ADGRL3: variants seen among roughly 807,000 people sequenced by gnomAD.
ADGRL3 encodes adhesion G protein-coupled receptor L3, also known as calcium-independent alpha-latrotoxin receptor 3.
A neutral mutation model predicts 153.5 loss-of-function variants in ADGRL3; 62 were observed. That is an observed-to-expected ratio of 0.40 (90% confidence interval 0.33 to 0.50). The LOEUF is 0.50. Ranked by LOEUF, ADGRL3 falls within the 20% of genes least tolerant of loss-of-function variation. The pLI is 0.47. For missense variants in ADGRL3, 1,641 were observed against 1,859.4 expected, an observed-to-expected ratio of 0.88 and a Z score of 2.16; for synonymous variants, 710 against 672.5, an observed-to-expected ratio of 1.06 and a Z score of -0.86.
intron 4 of ADGRL3, among the ~76,000 whole-genome samples, chr4:61,567,075 G>T (rs924893219): frequency 6.6e-6 from 1 of 152,108 alleles, no homozygotes; most frequent in Non-Finnish European, 1.5e-5. Context: ...TGCAGGGCAA[G>T]AACCTAAATG....
chr4:61,554,963 A>C (rs2148875576), intron 4 of ADGRL3, among the ~76,000 whole-genome samples: 1 of 152,348 alleles, frequency 6.6e-6, no homozygotes, highest in Admixed American at 6.5e-5. Context: ...TAGCAGGTAA[A>C]TTGACCAGGA....
intron 1 of ADGRL3, among the ~76,000 whole-genome samples, chr4:61,312,822 A>G (rs1051688334): frequency 6.6e-6 from 1 of 152,148 alleles, no homozygotes; most frequent in African/African-American, 2.4e-5. Flanking sequence ...ATGGTTTGAC[A>G]GTTTCTTACA....
chr4:61,432,669 TTG>T (rs1553928416), intron 2 of ADGRL3, among the ~76,000 whole-genome samples: 3 of 144,272 alleles, frequency 2.1e-5, no homozygotes, highest in African/African-American at 7.8e-5. Context: ...TTTTTTTTTT[TTG>T]AGACAGAATT....
chr4:61,422,094 ATG>A (rs1287051474), intron 2 of ADGRL3, among the ~76,000 whole-genome samples: 1 of 152,168 alleles, frequency 6.6e-6, no homozygotes, highest in Non-Finnish European at 1.5e-5. Context: ...CCAATCAAAG[ATG>A]TGCCCCAACA....
chr4:61,517,279 G>A (rs774876724), intron 3 of ADGRL3, 36 bp from the exon 4 acceptor site: 1 of 700,456 alleles, frequency 1.4e-6, no homozygotes, highest in South Asian at 1.5e-5. Flanking sequence ...ACTGAGGTGA[G>A]CAGGGGTCTG....
rs58884223 is a variant in ADGRL3 at position 61,909,761 on chromosome 4, ATGTGTGTGTGTGTG to A, written c.2073+44_2073+57del. On this transcript the variant is annotated intron_variant, in intron 12 of 26. Coordinates refer to ENST00000683033, the MANE Select transcript of ADGRL3 (RefSeq NM_001387552.1). ...TTTGAACAAGGTAAGGACCCTAATT[ATGTGTGTGTGTGTG>A]TGTGTGTGTGTGTGTGTGTGTGTGT... 7.4e-5 allele frequency: 89 copies of A among 1,196,420 alleles called. No homozygotes were observed. Among genetic ancestry groups the A allele is most frequent in the Middle Eastern group, 2.4e-4 (1 of 4,178 alleles). 74.1% of individuals were successfully genotyped at this position (1,196,420 alleles called of 1,614,324 possible).
At chr4:61,223,711 C>T (rs1746674271) in intron 1 of ADGRL3, among the ~76,000 whole-genome samples, 1 of 152,084 alleles carries the variant, frequency 6.6e-6, no homozygotes, top group Non-Finnish European at 1.5e-5. Flanking sequence ...TTTGGGTTAC[C>T]TTGTCATTCT....
At chr4:61,692,510 C>G (rs2095558586) in intron 6 of ADGRL3, among the ~76,000 whole-genome samples, 1 of 150,832 alleles carries the variant, frequency 6.6e-6, no homozygotes, top group African/African-American at 2.4e-5. Context: ...TGGCCTAATA[C>G]CAGCTCACTG....
intron 1 of ADGRL3, among the ~76,000 whole-genome samples, chr4:61,334,637 G>C (rs1051420847): frequency 2.6e-5 from 4 of 151,926 alleles, no homozygotes; most frequent in African/African-American, 9.7e-5. Context: ...TTAAGATGCT[G>C]GAAAACTTCT....
At chr4:61,650,780 T>A (rs2094217101) in intron 5 of ADGRL3, among the ~76,000 whole-genome samples, 2 of 152,122 alleles carry the variant, frequency 1.3e-5, no homozygotes, top group Admixed American at 1.3e-4. Context: ...TTAGAGTGCA[T>A]ACTTCACCTG....
At chr4:61,670,569 AC>A (rs1265644304) in intron 5 of ADGRL3, among the ~76,000 whole-genome samples, 2 of 152,088 alleles carry the variant, frequency 1.3e-5, no homozygotes, top group Non-Finnish European at 2.9e-5. Context: ...TTGTCCCATG[AC>A]CAAGAAGAAT....
chr4:61,822,439 A>G (rs1231520949), intron 9 of ADGRL3, among the ~76,000 whole-genome samples: 1 of 152,182 alleles, frequency 6.6e-6, no homozygotes, highest in African/African-American at 2.4e-5. Flanking sequence ...CATGATTATC[A>G]TATCTCTAGG....
intron 2 of ADGRL3, among the ~76,000 whole-genome samples, chr4:61,481,589 T>C (rs1028244869): frequency 4.6e-5 from 7 of 151,950 alleles, no homozygotes; most frequent in African/African-American, 1.7e-4. Context: ...TAGGAAGGGA[T>C]TGGGATTTTA....
chr4:61,850,264 G>A (rs1739609173), intron 9 of ADGRL3, among the ~76,000 whole-genome samples: 1 of 152,044 alleles, frequency 6.6e-6, no homozygotes, highest in Admixed American at 6.6e-5. Flanking sequence ...CCAATTTATA[G>A]GTATAGACAC....
At chr4:61,707,107 C>A (rs1283785981) in intron 6 of ADGRL3, among the ~76,000 whole-genome samples, 1 of 152,118 alleles carries the variant, frequency 6.6e-6, no homozygotes, top group Non-Finnish European at 1.5e-5. Flanking sequence ...CAGGAAATGG[C>A]TGATCAGTAG....
chr4:61,383,996 G>A (rs2096705375), intron 2 of ADGRL3, among the ~76,000 whole-genome samples: 1 of 151,522 alleles, frequency 6.6e-6, no homozygotes, highest in Non-Finnish European at 1.5e-5. Context: ...CTTTCTTATT[G>A]GTCTTCATAT....
At chr4:61,605,442 C>A (rs1210552552) in intron 5 of ADGRL3, among the ~76,000 whole-genome samples, 2 of 152,036 alleles carry the variant, frequency 1.3e-5, no homozygotes, top group Non-Finnish European at 2.9e-5. Flanking sequence ...AAATGTGTGT[C>A]CACAATAATA....
intron 8 of ADGRL3, among the ~76,000 whole-genome samples, chr4:61,793,757 A>G (rs1219696304): frequency 6.6e-6 from 1 of 152,186 alleles, no homozygotes; most frequent in East Asian, 1.9e-4. Context: ...TATAAAGTAT[A>G]GTTTATTTTT....
intron 1 of ADGRL3, among the ~76,000 whole-genome samples, chr4:61,379,363 A>G (rs748384849): frequency 5.9e-5 from 9 of 152,070 alleles, no homozygotes; most frequent in South Asian, 2.1e-4. Flanking sequence ...TGAAAGCCAT[A>G]TACTTCTTTT....
Sources: gnomAD v4.1 joint callset for allele counts (sites outside exome capture counted in the v4.1 genomes callset) on GRCh38, gnomAD v4.1.1 for gene constraint, MANE v1.5 for transcripts, NCBI Gene and HGNC (gene_info 2026-07-23, HGNC 2026-07-21) for gene names.